Variants in RNLS observed in about 807,000 individuals in gnomAD.
RNLS encodes the protein renalase, FAD dependent amine oxidase, also known as renalase.
Under a neutral mutation model 39.8 loss-of-function variants are expected in RNLS, and 39 were observed. That is an observed-to-expected ratio of 0.98 (90% CI 0.76 to 1.28). The LOEUF (loss-of-function observed/expected upper bound fraction) is 1.28. RNLS is among the 50% of genes most tolerant of loss of function. The pLI is 0.00. For synonymous variants in RNLS, 147 were observed against 150.7 expected (o/e 0.98, Z 0.18); for missense variants, 410 against 413.3 (o/e 0.99, Z 0.07).
At chr10:88,223,014 G>GAGCTCA in the RNLS span, among the ~76,000 whole-genome samples, 5 of 152,204 alleles carry the variant, frequency 3.3e-5, no homozygotes, top group Admixed American at 1.3e-4. Flanking sequence ...ACAAACCTGT[G>GAGCTCA]AGCTCAAGCT....
intron 6 of RNLS, among the ~76,000 whole-genome samples, chr10:88,292,434 A>T (rs1264479710): frequency 6.6e-6 from 1 of 151,834 alleles, no homozygotes; most frequent in African/African-American, 2.4e-5. Context: ...TATTCCTAAG[A>T]CCTTCACATT....
At chr10:88,549,290 C>T (rs937514665) in intron 4 of RNLS, among the ~76,000 whole-genome samples, 1 of 99,236 alleles carries the variant, frequency 1.0e-5, no homozygotes, top group Non-Finnish European at 2.0e-5. Context: ...TATGGTGGCT[C>T]ATGCCTGCAA....
chr10:88,211,293 T>C, the RNLS span, among the ~76,000 whole-genome samples: 1 of 152,174 alleles, frequency 6.6e-6, no homozygotes, highest in Admixed American at 6.6e-5. Flanking sequence ...CATCCATCCA[T>C]CCATTCAACA....
chr10:88,354,438 C>G (rs1848983258), intron 5 of RNLS, among the ~76,000 whole-genome samples: 1 of 152,118 alleles, frequency 6.6e-6, no homozygotes, highest in Non-Finnish European at 1.5e-5. Context: ...TCAGCATTTG[C>G]TTGTCTGTAA....
chr10:88,527,303 T>C (rs1158445388), intron 4 of RNLS, among the ~76,000 whole-genome samples: 4 of 152,228 alleles, frequency 2.6e-5, no homozygotes, highest in African/African-American at 7.2e-5. Context: ...CTGGCCTGTT[T>C]ATGAGAAAGG....
intron 6 of RNLS, among the ~76,000 whole-genome samples, chr10:88,287,705 T>C (rs1251814053): frequency 1.3e-5 from 2 of 152,022 alleles, no homozygotes; most frequent in Non-Finnish European, 2.9e-5. Flanking sequence ...AGCAGGCACG[T>C]CTTACATGGC....
exon 7 of RNLS, chr10:88,274,751 C>T: frequency 2.4e-6 from 1 of 409,928 alleles, no homozygotes; most frequent in Non-Finnish European, 4.6e-6. Context: ...TATTTCATTT[C>T]TAAAGAAATT....
intron 4 of RNLS, among the ~76,000 whole-genome samples, chr10:88,387,951 G>T (rs1315427936): frequency 2.0e-5 from 3 of 152,180 alleles, no homozygotes; most frequent in Non-Finnish European, 4.4e-5. Context: ...TGGGTATTTG[G>T]AAGGGGAGAT....
At chr10:88,380,570 G>C (rs1206853523) in intron 4 of RNLS, among the ~76,000 whole-genome samples, 60 of 149,894 alleles carry the variant, frequency 4.0e-4, no homozygotes, top group Non-Finnish European at 7.4e-4. Context: ...TTTTTTAGTA[G>C]AGACGGGGTT....
In RNLS at chr10:88,409,426, T is replaced by G. The variant is rs552342052; in HGVS notation, c.527-46701A>C. ...ACTTCTGCAAGAGCTATCACATATA[T>G]GAATCATTAATTTCAGTTTCAAATG... On this transcript the variant is annotated intron_variant, in intron 4 of 6. Coordinates refer to ENST00000331772, the MANE Select transcript of RNLS (RefSeq NM_001031709.3). Among the ~76,000 whole-genome samples the G allele has an allele frequency of 7.9e-4, 121 of 152,272 alleles. 1 individual carries two copies. Among genetic ancestry groups the G allele is most frequent in the African/African-American group, 2.8e-3 (118 of 41,572 alleles).
chr10:88,474,361 CTT>C (rs1843694133), intron 4 of RNLS, among the ~76,000 whole-genome samples: 2 of 152,250 alleles, frequency 1.3e-5, no homozygotes, highest in African/African-American at 4.8e-5. Flanking sequence ...CAGGAGAATT[CTT>C]TGTTGCGTGA....
chr10:88,235,568 A>G, the RNLS span, among the ~76,000 whole-genome samples: 1 of 152,148 alleles, frequency 6.6e-6, no homozygotes, highest in Non-Finnish European at 1.5e-5. Flanking sequence ...AAGATTAAGA[A>G]TGTGGTCAAG....
In RNLS at chr10:88,413,312, G is replaced by A. The variant is rs1369393361; in HGVS notation, c.527-50587C>T. Among the ~76,000 whole-genome samples, 6 of 152,120 alleles carry A rather than the reference G, an allele frequency of 3.9e-5. No individual in the cohort carries two copies. In the East Asian group the frequency reaches 1.2e-3, roughly 29 times the overall value. ...CTGAAGCTTCTTTCATTTATCACAT[G>A]TGCAAATTGGAACTTAATTCCCAAC... On this transcript the variant is annotated intron_variant, in intron 4 of 6. Transcript: ENST00000331772.
intron 4 of RNLS, among the ~76,000 whole-genome samples, chr10:88,557,314 G>A (rs1195425699): frequency 2.0e-5 from 3 of 152,098 alleles, no homozygotes; most frequent in East Asian, 1.9e-4. Context: ...CAAACCAACA[G>A]AGACTTCTAG....
the RNLS span, among the ~76,000 whole-genome samples, chr10:88,221,924 A>G: frequency 1.3e-5 from 2 of 152,054 alleles, no homozygotes; most frequent in Admixed American, 6.6e-5. Flanking sequence ...AATGAAATCT[A>G]TTTGTTATAA....
intron 3 of RNLS, among the ~76,000 whole-genome samples, chr10:88,580,494 C>G (rs886188787): frequency 3.3e-5 from 5 of 152,296 alleles, no homozygotes; most frequent in Admixed American, 6.5e-5. Flanking sequence ...TAGCCTATAT[C>G]CTTTCTCAGT....
intron 5 of RNLS, among the ~76,000 whole-genome samples, chr10:88,356,037 C>T (rs1849153914): frequency 6.6e-6 from 1 of 152,214 alleles, no homozygotes; most frequent in South Asian, 2.1e-4. Context: ...GATATAATCT[C>T]CTGGTGTGCC....
At chr10:88,311,001 C>T (rs1589520614) in intron 6 of RNLS, among the ~76,000 whole-genome samples, 1 of 152,004 alleles carries the variant, frequency 6.6e-6, no homozygotes, top group Admixed American at 6.6e-5. Context: ...TCATTCATTT[C>T]CTGCCCCTAA....
In RNLS at chr10:88,500,696, A is replaced by G. The variant is rs72820067; in HGVS notation, c.526+72207T>C. ...TTTTCCCATTTTAATGGCAAAACTA[A>G]TAACCTAATAACTTTCGATCATTAG... On this transcript the variant is annotated intron_variant, in intron 4 of 6. Transcript: ENST00000331772. Among the ~76,000 whole-genome samples the G allele has an allele frequency of 4.1e-3, 628 of 152,298 alleles. 2 individuals are homozygous for G. Among genetic ancestry groups the G allele is most frequent in the Non-Finnish European group, 7.3e-3 (499 of 68,004 alleles).
Sources: gnomAD v4.1 joint callset for allele counts (sites outside exome capture counted in the v4.1 genomes callset) on GRCh38, gnomAD v4.1.1 for gene constraint, MANE v1.5 for transcripts, NCBI Gene and HGNC (gene_info 2026-07-23, HGNC 2026-07-21) for gene names.